Variants in SYNDIG1 observed in about 807,000 individuals in gnomAD.
SYNDIG1 encodes synapse differentiation-inducing gene protein 1.
SYNDIG1 carries 9 observed loss-of-function variants against 19.4 expected under a neutral mutation model. The ratio of observed to expected loss-of-function variants is 0.46; its 90% CI spans 0.28 to 0.81. The LOEUF (loss-of-function observed/expected upper bound fraction) is 0.81, where lower values mean the gene tolerates loss of function less well. SYNDIG1 is among the 30% of genes least tolerant of loss of function. The pLI is 0.12. For missense variants in SYNDIG1, 311 were observed against 343.3 expected (o/e 0.91, Z 0.74); for synonymous variants, 141 against 145.9 (o/e 0.97, Z 0.24).
At chr20:24,613,004 T>C (rs1469373895) in intron 3 of SYNDIG1, among the ~76,000 whole-genome samples, 3 of 152,222 alleles carry the variant, frequency 2.0e-5, no homozygotes, top group Admixed American at 1.3e-4. Context: ...GAATGCTTTA[T>C]GGATGAGGAG....
At chr20:24,487,028 G>A (rs767575956) in intron 1 of SYNDIG1, among the ~76,000 whole-genome samples, 15 of 151,992 alleles carry the variant, frequency 9.9e-5, no homozygotes, top group East Asian at 7.7e-4. Flanking sequence ...TTGAGCAGCC[G>A]GGGAATCACG....
At chr20:24,600,846 C>G (rs2058669389) in intron 3 of SYNDIG1, among the ~76,000 whole-genome samples, 1 of 152,156 alleles carries the variant, frequency 6.6e-6, no homozygotes, top group East Asian at 1.9e-4. Context: ...AACTCCTGAC[C>G]TCAGGCTATC....
intron 2 of SYNDIG1, among the ~76,000 whole-genome samples, chr20:24,581,367 G>GT (rs2058320196): frequency 6.6e-6 from 1 of 152,082 alleles, no homozygotes; most frequent in South Asian, 2.1e-4. Context: ...CGGATTTTTT[G>GT]TTTTTTTGCA....
intron 1 of SYNDIG1, among the ~76,000 whole-genome samples, chr20:24,477,062 A>T (rs528943953): frequency 2.6e-4 from 40 of 152,366 alleles, no homozygotes; most frequent in African/African-American, 8.9e-4. Flanking sequence ...TTGACTCAAT[A>T]TGTGCAGAAT....
At chr20:24,519,718 A>G (rs2056962891) in intron 1 of SYNDIG1, among the ~76,000 whole-genome samples, 1 of 152,134 alleles carries the variant, frequency 6.6e-6, no homozygotes, top group African/African-American at 2.4e-5. Context: ...GTAAAGTTGT[A>G]TTACTCATGC....
chr20:24,628,757 T>G (rs2059196551), intron 3 of SYNDIG1, among the ~76,000 whole-genome samples: 1 of 152,146 alleles, frequency 6.6e-6, no homozygotes, highest in Non-Finnish European at 1.5e-5. Context: ...ACCCTTTCCC[T>G]TCTGCCAAAT....
At chr20:24,660,054 G>T (rs756578205) in intron 3 of SYNDIG1, among the ~76,000 whole-genome samples, 1 of 152,124 alleles carries the variant, frequency 6.6e-6, no homozygotes, top group African/African-American at 2.4e-5. Context: ...GCCGAGTCCG[G>T]CTTCGTTTGT....
chr20:24,634,041 G>C (rs1232139224), intron 3 of SYNDIG1, among the ~76,000 whole-genome samples: 1 of 152,150 alleles, frequency 6.6e-6, no homozygotes, highest in Non-Finnish European at 1.5e-5. Context: ...TACTCAACTT[G>C]GAAAACAGAA....
rs370102448 is a variant in SYNDIG1 at position 24,543,360 on chromosome 20, G to T, written c.263G>T (p.Arg88Leu). Residue 88 changes from arginine to leucine, a missense_variant, in exon 2 of 4, where the codon CGG becomes CTG. Arg to Leu is a moderately radical substitution (Grantham distance 102). Coordinates refer to ENST00000376862, the MANE Select transcript of SYNDIG1 (RefSeq NM_024893.3). ...CAGCAGTCAGTGGAGTCCCGCTACC[G>T]GCCCAACATCATCCTCTATTCAGAG... Reference protein sequence around the residue: ...TLQQSVESRYRPNIILYSEGV... With the variant: ...TLQQSVESRYLPNIILYSEGV... 2 of 1,613,434 alleles carry T rather than the reference G, an allele frequency of 1.2e-6. No individual in the cohort carries two copies. The highest frequency in any genetic ancestry group is 1.7e-5 in the Admixed American group (1 of 59,988).
intron 1 of SYNDIG1, among the ~76,000 whole-genome samples, chr20:24,470,236 G>C (rs1309511301): frequency 1.3e-5 from 2 of 152,204 alleles, no homozygotes; most frequent in East Asian, 3.9e-4. Flanking sequence ...CAGGGCTGGT[G>C]AGCCGGGCGG....
At position 24,503,241 on chromosome 20, in the gene SYNDIG1, G is replaced by A. The variant is rs201701746; in HGVS notation, c.-79+33488G>A. 9.2e-5 allele frequency among the ~76,000 whole-genome samples: 14 copies of A among 152,298 alleles called. No homozygotes were observed. In the East Asian group the frequency reaches 1.5e-3, roughly 17 times the overall value. ...TGCCTGGAAATATAGCTGGGGATGC[G>A]TTCCTTCTGCACGGTACTTATCACG... On this transcript the variant is annotated intron_variant, in intron 1 of 3. Transcript: ENST00000376862.
intron 3 of SYNDIG1, among the ~76,000 whole-genome samples, chr20:24,585,888 G>T (rs1201156787): frequency 6.6e-6 from 1 of 152,176 alleles, no homozygotes; most frequent in Non-Finnish European, 1.5e-5. Flanking sequence ...AGGTACAGAG[G>T]GTCCCTCTCC....
chr20:24,507,480 C>T (rs548568037), intron 1 of SYNDIG1, among the ~76,000 whole-genome samples: 2 of 152,356 alleles, frequency 1.3e-5, no homozygotes, highest in African/African-American at 4.8e-5. Flanking sequence ...GCACAAGGCC[C>T]CTCCTTTGTT....
At chr20:24,635,402 C>T (rs1182358447) in intron 3 of SYNDIG1, among the ~76,000 whole-genome samples, 1 of 152,228 alleles carries the variant, frequency 6.6e-6, no homozygotes, top group Non-Finnish European at 1.5e-5. Context: ...ACGCGCTCTT[C>T]ATTCCTGGTC....
chr20:24,579,843 C>T (rs1361081287), intron 2 of SYNDIG1, among the ~76,000 whole-genome samples: 1 of 152,226 alleles, frequency 6.6e-6, no homozygotes, highest in Non-Finnish European at 1.5e-5. Context: ...AGGTGCCTCA[C>T]ACTCTTGCTC....
At chr20:24,610,520 T>G (rs2058830486) in intron 3 of SYNDIG1, among the ~76,000 whole-genome samples, 1 of 152,228 alleles carries the variant, frequency 6.6e-6, no homozygotes, top group Non-Finnish European at 1.5e-5. Flanking sequence ...GCAGGGTTCC[T>G]GAGTCACACA....
rs552979256 is a variant in SYNDIG1 at position 24,648,488 on chromosome 20, G to A, written c.619-16858G>A. Among the ~76,000 whole-genome samples, 24 of 152,278 alleles carry A rather than the reference G, an allele frequency of 1.6e-4. No homozygotes were observed. The South Asian group carries it at 4.2e-3, about 26-fold the overall frequency. ...GTCTCACTGTATCATCACACATTTCGGGTTAGTTCAGGCCAGGAATTCTTG... is the reference window on the plus strand; with the variant it reads ...GTCTCACTGTATCATCACACATTTCAGGTTAGTTCAGGCCAGGAATTCTTG... On this transcript the variant is annotated intron_variant, in intron 3 of 3. Coordinates refer to ENST00000376862, the MANE Select transcript of SYNDIG1 (RefSeq NM_024893.3).
intron 3 of SYNDIG1, among the ~76,000 whole-genome samples, chr20:24,607,360 C>CA (rs59085965): frequency 0.24 from 25,900 of 107,174 alleles, 3,374 homozygotes; most frequent in Admixed American, 0.4. Flanking sequence ...GACTCCGTCT[C>CA]AAAAAAAAAA....
At chr20:24,499,579 G>T (rs2056390804) in intron 1 of SYNDIG1, among the ~76,000 whole-genome samples, 1 of 152,184 alleles carries the variant, frequency 6.6e-6, no homozygotes, top group African/African-American at 2.4e-5. Flanking sequence ...GCCAACCTTT[G>T]ATGGCATAAA....
Sources: gnomAD v4.1 joint callset for allele counts (sites outside exome capture counted in the v4.1 genomes callset) on GRCh38, gnomAD v4.1.1 for gene constraint, MANE v1.5 for transcripts, NCBI Gene and HGNC (gene_info 2026-07-23, HGNC 2026-07-21) for gene names.